The following ABCB1 variants were observed in gnomAD, a reference collection of about 807,000 sequenced individuals.
ABCB1 encodes ATP binding cassette subfamily B member 1, also known as ATP-dependent translocase ABCB1.
ABCB1 carries 69 observed loss-of-function variants against 142.0 expected under a neutral mutation model. That is an observed-to-expected ratio of 0.49 (90% CI 0.40 to 0.59). The LOEUF is 0.59. Among genes scored for constraint, ABCB1 ranks in the 20% least tolerant of loss-of-function variants. The pLI is 0.00. For missense variants in ABCB1, 1,326 were observed against 1,554.7 expected (o/e 0.85, Z 2.47); for synonymous variants, 532 against 539.2 (o/e 0.99, Z 0.18).
rs373512997 is a variant in ABCB1 at position 87,511,530 on chromosome 7, G to A, written c.3283-2049C>T. Among the ~76,000 whole-genome samples, 81 of 152,264 alleles carry A rather than the reference G, an allele frequency of 5.3e-4. No homozygotes were observed. The South Asian group carries it at 0.016, about 29-fold the overall frequency. On this transcript the variant is annotated intron_variant, in intron 25 of 27. Transcript: ENST00000622132. ...TTTTTAAAAATCAAGCACTGACAAC[G>A]TTGTAGGTTCTGTGATAAGCATGTC... is the stretch of plus-strand genomic sequence containing the variant.
At chr7:87,639,953 G>A (rs986624509) in intron 1 of ABCB1, among the ~76,000 whole-genome samples, 1 of 150,770 alleles carries the variant, frequency 6.6e-6, no homozygotes, top group Admixed American at 6.6e-5. Flanking sequence ...CTCTTTTCTT[G>A]CCTTCTTAAA....
chr7:87,629,112 G>C (rs1820932772), intron 1 of ABCB1: 1 of 554,174 alleles, frequency 1.8e-6, no homozygotes, highest in African/African-American at 2.0e-5. Context: ...ACAGGGGCCC[G>C]GGTCTGGACA....
At chr7:87,630,510 G>C (rs1377058809) in intron 1 of ABCB1, among the ~76,000 whole-genome samples, 1 of 152,050 alleles carries the variant, frequency 6.6e-6, no homozygotes, top group Non-Finnish European at 1.5e-5. Flanking sequence ...TAGGTAAATG[G>C]AACCATAAGC....
At chr7:87,546,150 C>A in intron 14 of ABCB1, 126 bp from the exon 15 acceptor site, 1 of 849,066 alleles carries the variant, frequency 1.2e-6, no homozygotes, top group East Asian at 2.6e-5. Flanking sequence ...TATAAGATAG[C>A]CTCTGACTTC....
intron 1 of ABCB1, among the ~76,000 whole-genome samples, chr7:87,631,564 G>A (rs1821225749): frequency 6.6e-6 from 1 of 152,044 alleles, no homozygotes; most frequent in South Asian, 2.1e-4. Context: ...CTAATTTTTT[G>A]TGTTTTGTTT....
rs1475311087 is a variant in ABCB1, at chr7:87,515,275, C to T, written c.3238G>A (p.Val1080Ile). 4 of 1,614,028 alleles carry T rather than the reference C, an allele frequency of 2.5e-6. No homozygotes were observed. The highest frequency in any genetic ancestry group is 2.5e-6 in the Non-Finnish European group (3 of 1,180,044). Residue 1080 changes from valine (V) to isoleucine (I), a missense_variant, in exon 25 of 28, where the codon GTC becomes ATC. Val to Ile is a conservative substitution (Grantham distance 29, BLOSUM62 3). Coordinates refer to ENST00000622132, the MANE Select transcript of ABCB1 (RefSeq NM_001348946.2). Reference protein sequence around the residue: ...GSSGCGKSTVVQLLERFYDPL... With the variant: ...GSSGCGKSTVIQLLERFYDPL... The stretch of plus-strand genomic sequence containing the variant: ...TCGTAGAACCGCTCCAGGAGCTGGA[C>T]CACTGTGCTCTTCCCACAGCCACTG...
chr7:87,600,264 C>A (rs1356392460), intron 1 of ABCB1, 74 bp from the exon 2 acceptor site: 5 of 1,184,438 alleles, frequency 4.2e-6, no homozygotes, highest in Non-Finnish European at 6.0e-6. Context: ...AACCTCTAGT[C>A]CCCCGTCGAA....
chr7:87,529,441 A>G (rs150702910), intron 21 of ABCB1, among the ~76,000 whole-genome samples: 199 of 152,296 alleles, frequency 1.3e-3, no homozygotes, highest in African/African-American at 4.5e-3. Flanking sequence ...TGTCCCTCTC[A>G]TGAGCCACCC....
intron 1 of ABCB1, chr7:87,628,443 T>G: frequency 6.1e-6 from 1 of 162,764 alleles, no homozygotes. Context: ...GGAGTGTGGG[T>G]GGTTGGGCGT....
intron 2 of ABCB1, among the ~76,000 whole-genome samples, chr7:87,598,468 C>T (rs1819302444): frequency 6.6e-6 from 1 of 152,162 alleles, no homozygotes; most frequent in African/African-American, 2.4e-5. Flanking sequence ...ACTGCAAAAT[C>T]TTTAATTGGA....
rs201564736 is a variant in ABCB1, at chr7:87,585,673, T to C, written c.125A>G (p.Tyr42Cys). ...ATACAACTTGTCAAGCCAATTTGAA[T>C]AGCGAAACTAAAAAGAGAGAAAAAA... ...PTVSVFSMFR[Y>C]SNWLDKLYMV... Residue 42 changes from tyrosine to cysteine, a missense_variant, in exon 4 of 28, where the codon TAT becomes TGT. Physicochemically the swap from Tyr to Cys is radical, Grantham distance 194. Transcript: ENST00000622132. 1.5e-5 allele frequency: 25 copies of C among 1,613,562 alleles called. No individual in the cohort carries two copies. The highest frequency in any genetic ancestry group is 6.7e-5 in the African/African-American group (5 of 74,910).
At chr7:87,582,682 C>T (rs901182329) in intron 4 of ABCB1, among the ~76,000 whole-genome samples, 1 of 152,248 alleles carries the variant, frequency 6.6e-6, no homozygotes, top group Non-Finnish European at 1.5e-5. Context: ...GGCATAGAAG[C>T]AGCCATAGGC....
At chr7:87,669,265 G>A (rs921559799) in intron 1 of ABCB1, among the ~76,000 whole-genome samples, 1 of 151,832 alleles carries the variant, frequency 6.6e-6, no homozygotes, top group Non-Finnish European at 1.5e-5. Context: ...TTGTTTATTT[G>A]AAATCTCTTT....
At position 87,626,150 on chromosome 7, in the gene ABCB1, T is replaced by C. The variant is rs185725467; in HGVS notation, c.-330-25072A>G. On this transcript the variant is annotated intron_variant, in intron 1 of 28. Transcript: ENST00000265724. ...TGTCATATATATGTGTCATATATAT[T>C]GTCATATATATGTGTCATATATATT... Among the ~76,000 whole-genome samples the C allele has an allele frequency of 2.0e-4, 24 of 119,248 alleles. 2 individuals are homozygous for C. Among genetic ancestry groups the C allele is most frequent in the African/African-American group, 7.2e-4 (20 of 27,636 alleles). 78.2% of individuals were successfully genotyped at this position (119,248 alleles called of 152,430 possible).
At chr7:87,694,753 G>A (rs912623505) in intron 1 of ABCB1, among the ~76,000 whole-genome samples, 5 of 151,916 alleles carry the variant, frequency 3.3e-5, no homozygotes, top group African/African-American at 4.8e-5. Flanking sequence ...TAATGCTGGT[G>A]GAAGGGAAAA....
At chr7:87,525,129 T>C (rs1815727031) in intron 21 of ABCB1, among the ~76,000 whole-genome samples, 1 of 152,158 alleles carries the variant, frequency 6.6e-6, no homozygotes, top group Non-Finnish European at 1.5e-5. Context: ...GCACCCCGCA[T>C]CCTCACAGCT....
chr7:87,637,110 C>T (rs763764840), intron 1 of ABCB1, among the ~76,000 whole-genome samples: 3 of 152,140 alleles, frequency 2.0e-5, no homozygotes, highest in Non-Finnish European at 4.4e-5. Flanking sequence ...CCATCTGCTC[C>T]CTCCCATGAT....
At chr7:87,702,225 A>G (rs1829148895) in intron 1 of ABCB1, among the ~76,000 whole-genome samples, 1 of 149,790 alleles carries the variant, frequency 6.7e-6, no homozygotes, top group African/African-American at 2.5e-5. Context: ...TATTTTTCAT[A>G]AAAATGTGTT....
chr7:87,621,107 C>T (rs531181615), intron 1 of ABCB1, among the ~76,000 whole-genome samples: 10 of 151,990 alleles, frequency 6.6e-5, no homozygotes, highest in Non-Finnish European at 1.5e-4. Flanking sequence ...TCATGCAATT[C>T]TAATTAGAAT....
Sources: gnomAD v4.1 joint callset for allele counts (sites outside exome capture counted in the v4.1 genomes callset) on GRCh38, gnomAD v4.1.1 for gene constraint, MANE v1.5 for transcripts, NCBI Gene and HGNC (gene_info 2026-07-23, HGNC 2026-07-21) for gene names.